The following CERS3 variants were observed in gnomAD, a reference collection of about 807,000 sequenced individuals.
CERS3 encodes the protein LAG1 homolog, ceramide synthase 3.
Under a neutral mutation model 50.3 loss-of-function variants are expected in CERS3, and 33 were observed. The ratio of observed to expected loss-of-function variants is 0.66; its 90% CI spans 0.50 to 0.88. The LOEUF is 0.88. CERS3 is among the 40% of genes least tolerant of loss of function. The pLI, the probability that CERS3 is intolerant of heterozygous loss-of-function variation, is 0.00. For synonymous variants in CERS3, 176 were observed against 155.2 expected, an observed-to-expected ratio of 1.13 and a Z score of -0.99; for missense variants, 470 against 460.3, an observed-to-expected ratio of 1.02 and a Z score of -0.19.
intron 7 of CERS3, among the ~76,000 whole-genome samples, chr15:100,476,496 T>C (rs1354765326): frequency 3.3e-5 from 5 of 152,174 alleles, no homozygotes. Flanking sequence ...TAAAAATCTT[T>C]ACTTAGGAAC....
Position 100,520,907 on chromosome 15 carries a change from C to T in CERS3, c.-2+760G>A, listed in dbSNP as rs143299695. Among the ~76,000 whole-genome samples the T allele has an allele frequency of 4.5e-4, 69 of 152,248 alleles. No individual in the cohort carries two copies. The East Asian group carries it at 9.3e-3, about 20-fold the overall frequency. On this transcript the variant is annotated intron_variant, in intron 2 of 11. Coordinates refer to ENST00000679737, the MANE Select transcript of CERS3 (RefSeq NM_001378789.1). ...CAGGTCAAAACCGGGAATAATAATA[C>T]CAGCTTTTCACAGACCGTTACAAAA...
At position 100,458,238 on chromosome 15, in the gene CERS3, C is replaced by T. The variant is rs566781872; in HGVS notation, c.846-2192G>A. On this transcript the variant is annotated intron_variant, in intron 10 of 11. Coordinates refer to ENST00000679737, the MANE Select transcript of CERS3 (RefSeq NM_001378789.1). ...CAAGGCCTTAACATTTCCCCTATGT[C>T]TGCTTAGTAGCTCTATTTCTTCTTT... Among the ~76,000 whole-genome samples the T allele has an allele frequency of 9.2e-5, 14 of 152,298 alleles. No individual in the cohort carries two copies. The South Asian group carries it at 1.4e-3, about 16-fold the overall frequency.
chr15:100,526,197 C>T (rs1015749122), intron 1 of CERS3, among the ~76,000 whole-genome samples: 1 of 152,196 alleles, frequency 6.6e-6, no homozygotes, highest in Non-Finnish European at 1.5e-5. Flanking sequence ...ATAAGTCAAT[C>T]GTTTTTGTCC....
At chr15:100,463,591 A>C (rs1056740584) in intron 10 of CERS3, among the ~76,000 whole-genome samples, 2 of 152,178 alleles carry the variant, frequency 1.3e-5, no homozygotes, top group Admixed American at 6.5e-5. Context: ...AGCATAAAGA[A>C]GGTACCAAGC....
At chr15:100,459,379 T>C (rs556102364) in intron 10 of CERS3, among the ~76,000 whole-genome samples, 1 of 152,310 alleles carries the variant, frequency 6.6e-6, no homozygotes, top group Admixed American at 6.5e-5. Context: ...TACTATAGCC[T>C]CTACCTCCCA....
intron 11 of CERS3, among the ~76,000 whole-genome samples, chr15:100,411,994 C>T (rs923396285): frequency 1.3e-5 from 2 of 152,136 alleles, no homozygotes; most frequent in Non-Finnish European, 2.9e-5. Context: ...CAGAAGTTCT[C>T]AATACATTCA....
At chr15:100,528,217 G>C (rs1160918282) in intron 1 of CERS3, among the ~76,000 whole-genome samples, 1 of 152,174 alleles carries the variant, frequency 6.6e-6, no homozygotes, top group African/African-American at 2.4e-5. Context: ...CCTTAGAACC[G>C]AACAGCTAAT....
At chr15:100,460,100 A>T (rs114608919) in intron 10 of CERS3, among the ~76,000 whole-genome samples, 5,191 of 152,304 alleles carry the variant, frequency 0.034, 135 homozygotes, top group African/African-American at 0.065. Flanking sequence ...AATTAAAAAA[A>T]TTTTTAAATC....
chr15:100,402,683 C>T lies in CERS3; in HGVS notation c.*30G>A. On this transcript the variant is annotated 3_prime_UTR_variant, in exon 12 of 12. Transcript: ENST00000679737. ...GGCTGCCAACAGTACTTGCAGCATG[C>T]TGTGCCATGGGAGTCCTGTAGGCTT... The T allele has an allele frequency of 1.2e-5, 20 of 1,607,896 alleles. No individual in the cohort carries two copies. The highest frequency in any genetic ancestry group is 1.7e-5 in the Non-Finnish European group (20 of 1,177,542).
At chr15:100,467,765 C>CACATATA (rs2034800520) in intron 10 of CERS3, among the ~76,000 whole-genome samples, 2 of 108,746 alleles carry the variant, frequency 1.8e-5, no homozygotes, top group African/African-American at 3.0e-5. Context: ...CTCTCTCTCT[C>CACATATA]TCTCTATATA....
At chr15:100,479,904 A>G in intron 6 of CERS3, 85 bp downstream of exon 6, 2 of 933,970 alleles carry the variant, frequency 2.1e-6, no homozygotes, top group Non-Finnish European at 3.3e-6. Flanking sequence ...TCTTATTGAA[A>G]GTACTATACC....
chr15:100,501,482 AT>A lies in CERS3; in HGVS notation c.173+194del, dbSNP rs1267284049. On this transcript the variant is annotated intron_variant, in intron 3 of 11. Coordinates refer to ENST00000679737, the MANE Select transcript of CERS3 (RefSeq NM_001378789.1). ...GCACTCAGTGGGATCCATGTTTCTA[AT>A]TTTTTGTTGTTCAGCCTTTAAATAA... Among the ~76,000 whole-genome samples, 4 of 152,104 alleles carry A rather than the reference AT, an allele frequency of 2.6e-5. No homozygotes were observed. In the East Asian group the frequency reaches 5.8e-4, roughly 22 times the overall value.
intron 11 of CERS3, among the ~76,000 whole-genome samples, chr15:100,441,579 C>G (rs2142153420): frequency 6.6e-6 from 1 of 152,166 alleles, no homozygotes; most frequent in East Asian, 1.9e-4. Flanking sequence ...CCTGTGTTCT[C>G]AAAAACCTAA....
intron 11 of CERS3, among the ~76,000 whole-genome samples, chr15:100,422,262 A>C (rs2032492255): frequency 3.0e-5 from 1 of 33,026 alleles, no homozygotes; most frequent in African/African-American, 9.1e-5. Flanking sequence ...ACCCCATCAA[A>C]AAGTGGGCGA....
At chr15:100,510,255 T>G (rs2036301025) in intron 2 of CERS3, among the ~76,000 whole-genome samples, 1 of 152,076 alleles carries the variant, frequency 6.6e-6, no homozygotes, top group Non-Finnish European at 1.5e-5. Context: ...TATGAATGCC[T>G]TAGGCTATAA....
chr15:100,402,478 T>G lies in CERS3; in HGVS notation c.*235A>C. On this transcript the variant is annotated 3_prime_UTR_variant, in exon 12 of 12. Coordinates refer to ENST00000679737, the MANE Select transcript of CERS3 (RefSeq NM_001378789.1). ...GAACTGAGACGGTTCTGTGGAGAAA[T>G]CTTTGAAATCTTTGACCAGTCTGAG... is the stretch of plus-strand genomic sequence containing the variant. 1 of 507,078 alleles carries G rather than the reference T, an allele frequency of 2.0e-6. No individual in the cohort carries two copies. The highest frequency in any genetic ancestry group is 3.5e-6 in the Non-Finnish European group (1 of 285,840). The allele number at this position is 507,078 out of a possible 1,614,324, so 31.4% of individuals were successfully genotyped here. A position where few individuals can be genotyped will look rare whatever the true frequency, so the allele number is the denominator to read the frequency against.
intron 1 of CERS3, among the ~76,000 whole-genome samples, chr15:100,540,713 C>T (rs147262667): frequency 1.1e-3 from 165 of 152,274 alleles, no homozygotes; most frequent in Non-Finnish European, 1.7e-3. Flanking sequence ...CCTATGTGCG[C>T]GTACAGGTAT....
intron 3 of CERS3, among the ~76,000 whole-genome samples, chr15:100,491,697 G>C (rs1378193695): frequency 6.6e-6 from 1 of 152,002 alleles, no homozygotes; most frequent in Non-Finnish European, 1.5e-5. Context: ...ATAGGTGTTT[G>C]CAGCTGTAAG....
At chr15:100,520,866 G>C (rs1346646408) in intron 2 of CERS3, among the ~76,000 whole-genome samples, 1 of 152,128 alleles carries the variant, frequency 6.6e-6, no homozygotes, top group African/African-American at 2.4e-5. Context: ...CCAGCAGCAT[G>C]AATATCCGGT....
Sources: gnomAD v4.1 joint callset for allele counts (sites outside exome capture counted in the v4.1 genomes callset) on GRCh38, gnomAD v4.1.1 for gene constraint, MANE v1.5 for transcripts, NCBI Gene and HGNC (gene_info 2026-07-23, HGNC 2026-07-21) for gene names.